PCDH11X: variants seen among roughly 807,000 people sequenced by gnomAD.
The protein encoded by PCDH11X is protocadherin-11 X-linked.
A neutral mutation model predicts 53.3 loss-of-function variants in PCDH11X; 18 were observed. That is an observed-to-expected ratio of 0.34 (90% confidence interval 0.23 to 0.50). PCDH11X has a LOEUF of 0.50. PCDH11X is among the 20% of genes least tolerant of loss of function. The probability of loss-of-function intolerance (pLI) is 0.98; values close to 1 mark genes in which losing one functional copy is unlikely to be tolerated. For missense variants in PCDH11X, 570 were observed against 1,032.4 expected (o/e 0.55, Z 6.14); for synonymous variants, 279 against 393.3 (o/e 0.71, Z 3.44).
intron 8 of PCDH11X, among the ~76,000 whole-genome samples, chrX:92,311,458 G>C (rs1168539518): frequency 9.0e-6 from 1 of 110,930 alleles, no homozygotes; most frequent in Non-Finnish European, 1.9e-5. Flanking sequence ...AAATAAAAGA[G>C]AGAAAAAAGC....
At chrX:91,861,983 A>C (rs1938700146) in intron 5 of PCDH11X, among the ~76,000 whole-genome samples, 2 of 110,449 alleles carry the variant, frequency 1.8e-5, no homozygotes, top group Non-Finnish European at 3.8e-5. Flanking sequence ...TCTTGGTGAG[A>C]GCTGCCAACC....
At chrX:92,004,602 G>C (rs1394597528) in intron 6 of PCDH11X, among the ~76,000 whole-genome samples, 1 of 109,237 alleles carries the variant, frequency 9.2e-6, no homozygotes, top group Non-Finnish European at 1.9e-5. Flanking sequence ...ATATTCTTTT[G>C]TGAAATTGAC....
chrX:91,908,804 C>CAAA (rs202059670), intron 6 of PCDH11X, among the ~76,000 whole-genome samples: 25 of 79,600 alleles, frequency 3.1e-4, no homozygotes, highest in African/African-American at 1.1e-3. Flanking sequence ...GACTCTGTCT[C>CAAA]AAAAAAAAAA....
chrX:92,114,800 A>G (rs764104088), intron 6 of PCDH11X, among the ~76,000 whole-genome samples: 2 of 110,010 alleles, frequency 1.8e-5, no homozygotes, highest in South Asian at 4.1e-4. Context: ...CTACTGGATC[A>G]AAAGAATGTC....
chrX:92,268,472 T>C (rs12556072), intron 8 of PCDH11X, among the ~76,000 whole-genome samples: 7,843 of 110,821 alleles, frequency 0.071, 478 homozygotes, highest in East Asian at 0.27. Context: ...TTGTATTTTT[T>C]AGTAGAGACG....
In PCDH11X at chrX:92,490,774, G is replaced by GGAAAGAAA. The variant is rs200451883; in HGVS notation, c.3367+22461_3367+22468dup. Among the ~76,000 whole-genome samples the GGAAAGAAA allele has an allele frequency of 2.2e-4, 23 of 104,910 alleles. No individual in the cohort carries two copies. In the East Asian group the frequency reaches 5.2e-3, roughly 24 times the overall value. The allele number at this position is 104,910 out of a possible 115,157, so 91.1% of individuals were successfully genotyped here. Reference sequence around the variant, plus strand: ...AAAGAAAGAAAGAGAAAGAAAGAAAGGAAAGAAAGAAAGAAAAGAAAGAGA... The same window carrying GGAAAGAAA: ...AAAGAAAGAAAGAGAAAGAAAGAAAGGAAAGAAAGAAAGAAAGAAAGAAAAGAAAGAGA... On this transcript the variant is annotated intron_variant, in intron 10 of 10. Coordinates refer to ENST00000682573, the MANE Select transcript of PCDH11X (RefSeq NM_032968.5).
In PCDH11X at chrX:91,801,903, T is replaced by C. The variant is rs1407640481; in HGVS notation, c.-378-7563T>C. On this transcript the variant is annotated intron_variant, in intron 1 of 10. Transcript: ENST00000682573. ...CATATATTAAATAACTTTATTTAAA[T>C]GAAACAATAAAATCCTGACTGATTT... Among the ~76,000 whole-genome samples, 5 of 112,842 alleles carry C rather than the reference T, an allele frequency of 4.4e-5. No individual in the cohort carries two copies. In the Admixed American group the frequency reaches 4.7e-4, roughly 11 times the overall value.
chrX:92,099,999 A>G (rs1171765119), intron 6 of PCDH11X, among the ~76,000 whole-genome samples: 1 of 111,719 alleles, frequency 9.0e-6, no homozygotes, highest in Non-Finnish European at 1.9e-5. Flanking sequence ...TAAAGAACAT[A>G]TATTTAAAAG....
At chrX:92,317,967 A>T (rs949667946) in intron 8 of PCDH11X, among the ~76,000 whole-genome samples, 1 of 111,454 alleles carries the variant, frequency 9.0e-6, no homozygotes, top group African/African-American at 3.3e-5. Flanking sequence ...TAGTAGAAGT[A>T]GTAACAATAG....
At chrX:91,924,689 G>C (rs1941876593) in intron 6 of PCDH11X, among the ~76,000 whole-genome samples, 1 of 111,352 alleles carries the variant, frequency 9.0e-6, no homozygotes, top group Admixed American at 9.6e-5. Flanking sequence ...TGCTGGCTTT[G>C]TTTTTTGTGG....
chrX:92,240,893 G>A (rs1603226086), intron 7 of PCDH11X, among the ~76,000 whole-genome samples: 1 of 109,740 alleles, frequency 9.1e-6, no homozygotes, highest in East Asian at 2.9e-4. Context: ...TGCCTGATAA[G>A]TATTAGAACT....
intron 6 of PCDH11X, among the ~76,000 whole-genome samples, chrX:91,940,271 C>T (rs1309468002): frequency 1.8e-5 from 2 of 111,189 alleles, no homozygotes; most frequent in Admixed American, 9.6e-5. Context: ...CCTGCAGAAC[C>T]GTAAGCCAAT....
chrX:92,460,219 C>G (rs760868060), intron 9 of PCDH11X: 25 of 917,270 alleles, frequency 2.7e-5, no homozygotes, highest in Non-Finnish European at 3.3e-5. Context: ...CCATGGGCTC[C>G]GCAAGGTCAT....
At chrX:92,509,279 G>A (rs2074121266) in intron 10 of PCDH11X, among the ~76,000 whole-genome samples, 1 of 111,216 alleles carries the variant, frequency 9.0e-6, no homozygotes, top group Non-Finnish European at 1.9e-5. Flanking sequence ...TGTAGATGAT[G>A]TTGAAGTGGG....
At chrX:92,103,753 G>A (rs1432138660) in intron 6 of PCDH11X, among the ~76,000 whole-genome samples, 1 of 112,148 alleles carries the variant, frequency 8.9e-6, no homozygotes, top group Non-Finnish European at 1.9e-5. Context: ...CAGTTCAGGC[G>A]TTTGGAAGTT....
chrX:92,611,701 G>A (rs773903937), intron 10 of PCDH11X, among the ~76,000 whole-genome samples: 1 of 102,461 alleles, frequency 9.8e-6, no homozygotes, highest in African/African-American at 3.6e-5. Context: ...TGTTTAGTAT[G>A]ATGTTGGCTG....
intron 10 of PCDH11X, among the ~76,000 whole-genome samples, chrX:92,570,015 C>CAA (rs766388753): frequency 0.025 from 775 of 30,638 alleles, 19 homozygotes; most frequent in Middle Eastern, 0.031. Context: ...GACTCAGTCT[C>CAA]AAAAAAAAAA....
chrX:92,093,339 T>C lies in PCDH11X; in HGVS notation c.3034-108036T>C, dbSNP rs1177195959. Among the ~76,000 whole-genome samples the C allele has an allele frequency of 4.5e-5, 5 of 111,430 alleles. No individual in the cohort carries two copies. The East Asian group carries it at 1.4e-3, about 32-fold the overall frequency. Reference sequence around the variant, plus strand: ...GATACATAAATATTATTTCATTGCTTTTCCCTTTTAGCATAATTTGCACAT... The same window carrying C: ...GATACATAAATATTATTTCATTGCTCTTCCCTTTTAGCATAATTTGCACAT... On this transcript the variant is annotated intron_variant, in intron 6 of 10. Coordinates refer to ENST00000682573, the MANE Select transcript of PCDH11X (RefSeq NM_032968.5).
chrX:92,139,112 G>GT (rs1053599441), intron 6 of PCDH11X, among the ~76,000 whole-genome samples: 2 of 106,817 alleles, frequency 1.9e-5, no homozygotes, highest in African/African-American at 7.0e-5. Context: ...GATTGGTAAT[G>GT]TAAGTAAACA....
Sources: allele counts gnomAD v4.1 joint callset (sites outside exome capture counted in the v4.1 genomes callset), GRCh38; gene constraint gnomAD v4.1.1; transcripts MANE v1.5; gene names NCBI Gene and HGNC (gene_info 2026-07-23, HGNC 2026-07-21).